The following MAP4 variants were observed in gnomAD, a reference collection of about 807,000 sequenced individuals.
The protein encoded by MAP4 is microtubule associated protein 4, also known as microtubule-associated protein 4.
In MAP4, 76 loss-of-function variants were observed where a neutral mutation model predicts 170.2. That is an observed-to-expected ratio of 0.45 (90% CI 0.37 to 0.54). The LOEUF (loss-of-function observed/expected upper bound fraction) is 0.54, where lower values mean the gene tolerates loss of function less well. Ranked by LOEUF, MAP4 falls within the 20% of genes least tolerant of loss-of-function variation. The pLI, the probability that MAP4 is intolerant of heterozygous loss-of-function variation, is 0.00. For missense variants in MAP4, 2,506 were observed against 2,748.0 expected (o/e 0.91, Z 1.97); for synonymous variants, 909 against 994.5 (o/e 0.91, Z 1.62).
intron 2 of MAP4, among the ~76,000 whole-genome samples, chr3:47,987,771 G>C (rs1349381267): frequency 6.6e-6 from 1 of 152,110 alleles, no homozygotes; most frequent in African/African-American, 2.4e-5. Context: ...ATTTGTCCTT[G>C]GCAACATCAA....
At chr3:47,921,223 C>T (rs2100042674) in intron 5 of MAP4, among the ~76,000 whole-genome samples, 1 of 152,198 alleles carries the variant, frequency 6.6e-6, no homozygotes, top group South Asian at 2.1e-4. Flanking sequence ...AGAGCCTTGT[C>T]ACACCCACAG....
chr3:48,087,542 C>A (rs2100149739), intron 1 of MAP4, among the ~76,000 whole-genome samples: 1 of 152,060 alleles, frequency 6.6e-6, no homozygotes, highest in Non-Finnish European at 1.5e-5. Context: ...CCTGCCCCCG[C>A]CCCCCATCTC....
chr3:47,864,492 T>C (rs1241842360), intron 17 of MAP4, among the ~76,000 whole-genome samples: 2 of 152,034 alleles, frequency 1.3e-5, no homozygotes, highest in Admixed American at 1.3e-4. Flanking sequence ...CTGGCTAACA[T>C]GGTGAAACCC....
At chr3:47,975,806 T>C (rs2100081737) in intron 3 of MAP4, among the ~76,000 whole-genome samples, 1 of 151,994 alleles carries the variant, frequency 6.6e-6, no homozygotes, top group Non-Finnish European at 1.5e-5. Flanking sequence ...TTTTTTTTTT[T>C]TGAGACGGAG....
At chr3:48,081,305 A>T (rs946832094) in intron 1 of MAP4, among the ~76,000 whole-genome samples, 186 of 151,706 alleles carry the variant, frequency 1.2e-3, no homozygotes, top group Non-Finnish European at 1.9e-3. Context: ...ATAAATAAAT[A>T]AAATAAATAA....
rs762969259 is a variant in MAP4, at chr3:47,852,809, A to G, written c.*125T>C. On this transcript the variant is annotated 3_prime_UTR_variant, in exon 21 of 21. Transcript: ENST00000683076. ...TCACTGGTCTAGTGGACAGCCCGGG[A>G]AAGGGGGCCAAGGACCCGGGAGCCC... 3 of 1,549,902 alleles carry G rather than the reference A, an allele frequency of 1.9e-6. No homozygotes were observed. The South Asian group carries it at 3.6e-5, about 18-fold the overall frequency.
intron 4 of MAP4, among the ~76,000 whole-genome samples, chr3:47,924,977 A>C (rs1272895205): frequency 6.6e-6 from 1 of 151,858 alleles, no homozygotes; most frequent in Non-Finnish European, 1.5e-5. Flanking sequence ...CACCTGGCTA[A>C]TTTTTTGTAT....
chr3:47,916,073 G>C lies in MAP4; in HGVS notation c.1754C>G (p.Thr585Arg), dbSNP rs559618966. ...TTCCATGTCTTTAATTGGAACTGGT[G>C]TTGCCTCTGTTTCTGAGAGTGGTGG... ...DVPPLSETEATPVPIKDMEIA... is the reference protein window; with the variant it reads ...DVPPLSETEARPVPIKDMEIA... The change falls in exon 7 of 21, where the codon ACA becomes AGA. Residue 585 changes from threonine to arginine, a missense_variant. Coordinates refer to ENST00000683076, the MANE Select transcript of MAP4 (RefSeq NM_001385682.1). 27 of 1,614,214 alleles carry C rather than the reference G, an allele frequency of 1.7e-5. No homozygotes were observed. In the Admixed American group the frequency reaches 4.3e-4, roughly 26 times the overall value.
intron 3 of MAP4, among the ~76,000 whole-genome samples, chr3:47,968,724 G>A (rs2100076623): frequency 6.6e-6 from 1 of 151,666 alleles, no homozygotes; most frequent in Non-Finnish European, 1.5e-5. Context: ...TGAGGCAGAA[G>A]GAAGGAAATA....
In MAP4 at chr3:47,910,651, C is replaced by T. The variant is rs1198362438; in HGVS notation, c.3770G>A (p.Ser1257Asn). ...GGGGAAAGTAAATCCTATTTCCTTGCTTTTATGGGGAATACTACCAGTATC... is the reference window on the plus strand; with the variant it reads ...GGGGAAAGTAAATCCTATTTCCTTGTTTTTATGGGGAATACTACCAGTATC... ...DGDTGSIPHK[S>N]KEIGFTFPKM... The change falls in exon 9 of 21, where the codon AGC becomes AAC. Residue 1257 changes from serine (S) to asparagine (N), a missense_variant. Physicochemically the swap from Ser to Asn is conservative, Grantham distance 46. Coordinates refer to ENST00000683076, the MANE Select transcript of MAP4 (RefSeq NM_001385682.1). 2 of 1,535,966 alleles carry T rather than the reference C, an allele frequency of 1.3e-6. No homozygotes were observed. Among genetic ancestry groups the T allele is most frequent in the Admixed American group, 2.0e-5 (1 of 50,968 alleles).
upstream of MAP4, among the ~76,000 whole-genome samples, chr3:48,017,624 A>G (rs945696102): frequency 2.0e-5 from 3 of 151,678 alleles, no homozygotes; most frequent in African/African-American, 7.3e-5. Flanking sequence ...GGGACCATCT[A>G]CCATCTTACA....
intron 2 of MAP4, among the ~76,000 whole-genome samples, chr3:47,991,983 CAA>C (rs764539272): frequency 1.2e-4 from 16 of 131,822 alleles, no homozygotes; most frequent in Admixed American, 1.5e-4. Context: ...ACCCTGTCTT[CAA>C]AAAAAAAAAA....
chr3:47,976,191 G>A (rs1307388613), intron 3 of MAP4, among the ~76,000 whole-genome samples: 1 of 152,170 alleles, frequency 6.6e-6, no homozygotes. Context: ...AGAACAGAAC[G>A]ACCTACTCTC....
At chr3:48,075,689 T>C (rs1002513673) in intron 1 of MAP4, among the ~76,000 whole-genome samples, 4 of 151,212 alleles carry the variant, frequency 2.6e-5, no homozygotes, top group Non-Finnish European at 4.4e-5. Flanking sequence ...GAAAAAGATT[T>C]TGGGCCGGGC....
At chr3:47,854,053 T>C (rs555649431) in intron 19 of MAP4, among the ~76,000 whole-genome samples, 1 of 152,108 alleles carries the variant, frequency 6.6e-6, no homozygotes, top group African/African-American at 2.4e-5. Context: ...TGTCGCCAAA[T>C]ACCCAAAAAG....
chr3:47,891,767 G>A (rs1447699933), intron 10 of MAP4: 3 of 1,536,382 alleles, frequency 2.0e-6, no homozygotes, highest in Non-Finnish European at 2.6e-6. Flanking sequence ...CTCAATAATG[G>A]GGGCTGGGTG....
chr3:48,049,016 A>G (rs2100126100), intron 1 of MAP4, among the ~76,000 whole-genome samples: 1 of 152,198 alleles, frequency 6.6e-6, no homozygotes, highest in South Asian at 2.1e-4. Flanking sequence ...AAATGGAACT[A>G]TATAATATGT....
intron 2 of MAP4, among the ~76,000 whole-genome samples, chr3:47,992,556 T>C (rs991180968): frequency 6.6e-6 from 1 of 152,116 alleles, no homozygotes; most frequent in African/African-American, 2.4e-5. Context: ...GCTTCCTGTG[T>C]AGCTCGGACT....
At chr3:48,080,940 C>A (rs1176970661) in intron 1 of MAP4, among the ~76,000 whole-genome samples, 1 of 152,074 alleles carries the variant, frequency 6.6e-6, no homozygotes, top group African/African-American at 2.4e-5. Context: ...CTGGCTAACA[C>A]GGTGAAACCC....
Sources: allele counts gnomAD v4.1 joint callset (sites outside exome capture counted in the v4.1 genomes callset), GRCh38; gene constraint gnomAD v4.1.1; transcripts MANE v1.5; gene names NCBI Gene and HGNC (gene_info 2026-07-23, HGNC 2026-07-21).